Variants in BRDT observed in about 807,000 individuals in gnomAD.
BRDT encodes the protein bromodomain testis associated.
In BRDT, 77 loss-of-function variants were observed where a neutral mutation model predicts 113.9. The ratio of observed to expected loss-of-function variants is 0.68; its 90% CI spans 0.56 to 0.82. The LOEUF is 0.82. Among genes scored for constraint, BRDT ranks in the 40% least tolerant of loss-of-function variants. The probability of loss-of-function intolerance (pLI) is 0.00; values close to 1 mark genes in which losing one functional copy is unlikely to be tolerated. For synonymous variants in BRDT, 358 were observed against 366.5 expected, an observed-to-expected ratio of 0.98 and a Z score of 0.26; for missense variants, 1,027 against 1,105.4, an observed-to-expected ratio of 0.93 and a Z score of 1.01.
intron 4 of BRDT, among the ~76,000 whole-genome samples, chr1:91,969,974 G>A (rs1342305011): frequency 6.6e-5 from 10 of 151,878 alleles, no homozygotes; most frequent in African/African-American, 1.2e-4. Flanking sequence ...GATTACAGGC[G>A]CATGCCACCA....
Position 91,962,719 on chromosome 1 carries a change from A to T in BRDT, c.-36A>T. ...AAGTACTCAGTTTTTGTTTTTCAGG[A>T]CATGTACTTGTAGACAGGATTCAAA... On this transcript the variant is annotated splice_region_variant and 5_prime_UTR_variant, in exon 2 of 19. Coordinates refer to ENST00000399546, the MANE Select transcript of BRDT (RefSeq NM_207189.4). The T allele has an allele frequency of 4.6e-6, 7 of 1,506,708 alleles. No individual in the cohort carries two copies. Among genetic ancestry groups the T allele is most frequent in the Non-Finnish European group, 6.2e-6 (7 of 1,127,936 alleles). The allele number at this position is 1,506,708 out of a possible 1,614,324, so 93.3% of individuals were successfully genotyped here. A position where few individuals can be genotyped will look rare whatever the true frequency, so the allele number is the denominator to read the frequency against.
Position 91,977,358 on chromosome 1 carries a change from GT to G in BRDT, c.936del (p.Val313SerfsTer31), listed in dbSNP as rs1557829476. ...TTTGGGACTCCATAACTACTATGAC[GT>G]TGTCAAAAATCCGATGGATCTTGGA... Reference protein sequence around the residue: ...NALGLHNYYDVVKNPMDLGTI... With the variant: ...NALGLHNYYDXVKNPMDLGTI... On this transcript the variant is annotated frameshift_variant, in exon 6 of 19. Coordinates refer to ENST00000399546, the MANE Select transcript of BRDT (RefSeq NM_207189.4). LOFTEE classifies it high-confidence loss of function. The G allele has an allele frequency of 6.3e-7, 1 of 1,595,772 alleles. No individual in the cohort carries two copies. The highest frequency in any genetic ancestry group is 8.5e-7 in the Non-Finnish European group (1 of 1,172,666).
At chr1:92,004,299 T>C (rs1350125179) in intron 16 of BRDT, 115 bp from the exon 17 acceptor site, 1 of 640,738 alleles carries the variant, frequency 1.6e-6, no homozygotes, top group African/African-American at 1.9e-5. Flanking sequence ...TAAAAGTACA[T>C]GAAGCCCTTT....
intron 15 of BRDT, among the ~76,000 whole-genome samples, chr1:91,996,808 T>C (rs561241817): frequency 6.6e-6 from 1 of 152,314 alleles, no homozygotes; most frequent in Admixed American, 6.5e-5. Flanking sequence ...GGGACAGAAC[T>C]CATTTGGCAC....
Position 91,981,596 on chromosome 1 carries a change from AAT to A in BRDT, c.1865-19_1865-18del, listed in dbSNP as rs1468047060. The stretch of plus-strand genomic sequence containing the variant: ...AACTATTTAATTCTTCTGGCATTTT[AAT>A]ATGTTTCTCTGTTTTGTAGCTGATA... On this transcript the variant is annotated intron_variant, in intron 11 of 18. Coordinates refer to ENST00000399546, the MANE Select transcript of BRDT (RefSeq NM_207189.4). The A allele has an allele frequency of 3.1e-6, 5 of 1,606,974 alleles. No individual in the cohort carries two copies. Among genetic ancestry groups the A allele is most frequent in the Non-Finnish European group, 4.2e-6 (5 of 1,176,542 alleles).
chr1:91,980,951 A>C lies in BRDT; in HGVS notation c.1523A>C (p.Lys508Thr), dbSNP rs754415146. 1 of 1,614,038 alleles carries C rather than the reference A, an allele frequency of 6.2e-7. No individual in the cohort carries two copies. The highest frequency in any genetic ancestry group is 8.5e-7 in the Non-Finnish European group (1 of 1,179,976). Residue 508 changes from lysine (K) to threonine (T), a missense_variant, in exon 10 of 19, where the codon AAA becomes ACA. By Grantham distance (78) the Lys-to-Thr change is moderately conservative (BLOSUM62 -1). Coordinates refer to ENST00000399546, the MANE Select transcript of BRDT (RefSeq NM_207189.4). ...AAATCTGAAGATGAAGATAATGCTA[A>C]ACCTATGAACTATGATGAGAAAAGG... ...GLKSEDEDNA[K>T]PMNYDEKRQL...
chr1:91,996,186 A>G (rs1446748775), intron 15 of BRDT, among the ~76,000 whole-genome samples: 1 of 152,206 alleles, frequency 6.6e-6, no homozygotes, highest in Non-Finnish European at 1.5e-5. Flanking sequence ...ACAAATTTGT[A>G]TACTTTGTGT....
chr1:91,969,337 G>A (rs1683387679), intron 4 of BRDT, among the ~76,000 whole-genome samples: 1 of 54,252 alleles, frequency 1.8e-5, no homozygotes, highest in Admixed American at 2.1e-4. Context: ...GGCAGAGGTT[G>A]ATTTTTTTTT....
At chr1:91,955,679 A>G (rs759328017) in intron 1 of BRDT, among the ~76,000 whole-genome samples, 11 of 152,368 alleles carry the variant, frequency 7.2e-5, no homozygotes, top group East Asian at 1.9e-4. Context: ...AAAGTAATTG[A>G]AACAGTAAGA....
intron 1 of BRDT, among the ~76,000 whole-genome samples, chr1:91,953,983 G>GT (rs1240740824): frequency 3.4e-5 from 5 of 147,636 alleles, no homozygotes; most frequent in East Asian, 2.0e-4. Context: ...GTTTTGTTTT[G>GT]TTTTTTGAGA....
intron 7 of BRDT, among the ~76,000 whole-genome samples, chr1:91,978,997 C>T (rs111710542): frequency 1.3e-5 from 1 of 77,144 alleles, no homozygotes; most frequent in African/African-American, 4.3e-5. Context: ...GACTACGTCT[C>T]AAAAAAAAAA....
intron 18 of BRDT, among the ~76,000 whole-genome samples, chr1:92,007,595 T>C (rs930551056): frequency 7.9e-5 from 12 of 152,240 alleles, no homozygotes; most frequent in African/African-American, 2.4e-4. Context: ...AGCATTTTTT[T>C]AGTCCACTTC....
chr1:91,974,383 T>C (rs1393970833), intron 4 of BRDT, among the ~76,000 whole-genome samples: 5 of 151,988 alleles, frequency 3.3e-5, no homozygotes, highest in Non-Finnish European at 5.9e-5. Flanking sequence ...TGCAATCTAC[T>C]CATCTGACAA....
At chr1:91,982,111 C>G (rs17576636) in intron 12 of BRDT, among the ~76,000 whole-genome samples, 1 of 152,008 alleles carries the variant, frequency 6.6e-6, no homozygotes, top group Admixed American at 6.6e-5. Context: ...GAGCACCTTT[C>G]GCTTTACTCT....
At chr1:92,006,536 G>T (rs1042866239) in intron 18 of BRDT, among the ~76,000 whole-genome samples, 1 of 151,494 alleles carries the variant, frequency 6.6e-6, no homozygotes, top group Non-Finnish European at 1.5e-5. Flanking sequence ...GTGTGATCTC[G>T]GCTCACTGCA....
intron 5 of BRDT, 33 bp downstream of exon 5, chr1:91,976,471 T>G (rs1684151321): frequency 6.7e-7 from 1 of 1,491,246 alleles, no homozygotes; most frequent in Admixed American, 2.5e-5. Context: ...ATCATTGCTT[T>G]TTAACACTGG....
intron 12 of BRDT, among the ~76,000 whole-genome samples, chr1:91,984,906 TG>T (rs1298483764): frequency 6.6e-6 from 1 of 152,192 alleles, no homozygotes; most frequent in African/African-American, 2.4e-5. Flanking sequence ...CCCAAAGTGC[TG>T]GGATTACAGG....
At chr1:92,012,793 C>G (rs898616727) in intron 18 of BRDT, among the ~76,000 whole-genome samples, 1 of 151,902 alleles carries the variant, frequency 6.6e-6, no homozygotes, top group Admixed American at 6.6e-5. Context: ...ACCTGTAGCC[C>G]CAGCTACTTG....
At chr1:91,991,991 C>CAAAAAAAAAAAA (rs764759925) in intron 13 of BRDT, among the ~76,000 whole-genome samples, 11 of 67,744 alleles carry the variant, frequency 1.6e-4, no homozygotes, top group Middle Eastern at 0.021. Flanking sequence ...GACTCTGTCT[C>CAAAAAAAAAAAA]AAAAAAAAAA....
Sources: allele counts gnomAD v4.1 joint callset (sites outside exome capture counted in the v4.1 genomes callset), GRCh38; gene constraint gnomAD v4.1.1; transcripts MANE v1.5; gene names NCBI Gene and HGNC (gene_info 2026-07-23, HGNC 2026-07-21).